The following CD300E variants were observed in gnomAD, a reference collection of about 807,000 sequenced individuals.
CD300E encodes the protein CMRF35-like molecule 2.
Under a neutral mutation model 20.9 loss-of-function variants are expected in CD300E, and 14 were observed. The ratio of observed to expected loss-of-function variants is 0.67; its 90% CI spans 0.44 to 1.05. The LOEUF (loss-of-function observed/expected upper bound fraction) is 1.05, where lower values mean the gene tolerates loss of function less well. Among genes scored for constraint, CD300E ranks in the 50% least tolerant of loss-of-function variants. The pLI is 0.00. For synonymous variants in CD300E, 102 were observed against 103.7 expected (o/e 0.98, Z 0.10); for missense variants, 237 against 253.9 (o/e 0.93, Z 0.45).
Position 74,609,966 on chromosome 17 carries a change from G to A in CD300E, c.*2687C>T, listed in dbSNP as rs1343320138. 6.6e-6 allele frequency: 1 copy of A among 152,238 alleles called. No individual in the cohort carries two copies. The highest frequency in any genetic ancestry group is 1.5e-5 in the Non-Finnish European group (1 of 68,042). The allele number at this position is 152,238 out of a possible 1,614,324, so 9.4% of individuals were successfully genotyped here. A position where few individuals can be genotyped will look rare whatever the true frequency, so the allele number is the denominator to read the frequency against. On this transcript the variant is annotated 3_prime_UTR_variant, in exon 4 of 4. Coordinates refer to ENST00000392619, the MANE Select transcript of CD300E (RefSeq NM_181449.3). ...AGAATAGGGGAAAAAAAGGGAGTAA[G>A]GGAGAAGGGAAAATTCAAAGCATGG...
At chr17:74,623,537 C>T (rs1428939146) in intron 1 of CD300E, 45 bp downstream of exon 1, 5 of 1,607,218 alleles carry the variant, frequency 3.1e-6, no homozygotes, top group Non-Finnish European at 4.3e-6. Context: ...ACCTACTGTC[C>T]TGCCCCCTGC....
At position 74,611,490 on chromosome 17, in the gene CD300E, A is replaced by T. The variant is rs2030777392; in HGVS notation, c.*1163T>A. The T allele has an allele frequency of 6.6e-6, 1 of 152,290 alleles. No homozygotes were observed. The highest frequency in any genetic ancestry group is 2.4e-5 in the African/African-American group (1 of 41,456). 9.4% of individuals were successfully genotyped at this position (152,290 alleles called of 1,614,324 possible). A position where few individuals can be genotyped will look rare whatever the true frequency, so the allele number is the denominator to read the frequency against. On this transcript the variant is annotated 3_prime_UTR_variant, in exon 4 of 4. Transcript: ENST00000392619. ...AAACTTTAGGGAAACAGAGTAATTG[A>T]CAAACATTCAGAAAACCAACTGAGC... is the stretch of plus-strand genomic sequence containing the variant.
At chr17:74,616,531 C>T (rs1207794711) in intron 2 of CD300E, among the ~76,000 whole-genome samples, 2 of 152,090 alleles carry the variant, frequency 1.3e-5, no homozygotes, top group South Asian at 2.1e-4. Flanking sequence ...AGCTGATGGT[C>T]GGCCTTGTCA....
At chr17:74,615,051 G>A (rs527733709) in intron 2 of CD300E, among the ~76,000 whole-genome samples, 29 of 152,300 alleles carry the variant, frequency 1.9e-4, no homozygotes, top group East Asian at 3.9e-4. Context: ...GCCCCACCCC[G>A]TTGGAGGGGC....
chr17:74,623,536 C>T (rs2031066296), intron 1 of CD300E, 46 bp downstream of exon 1: 1 of 1,606,974 alleles, frequency 6.2e-7, no homozygotes, highest in Middle Eastern at 1.8e-4. Flanking sequence ...TACCTACTGT[C>T]CTGCCCCCTG....
chr17:74,613,731 G>A (rs1210909506), intron 3 of CD300E, among the ~76,000 whole-genome samples, 194 bp downstream of exon 3: 1 of 152,192 alleles, frequency 6.6e-6, no homozygotes, highest in Non-Finnish European at 1.5e-5. Flanking sequence ...TGCCCCATAG[G>A]GAAAGGCGTT....
At chr17:74,621,242 A>T (rs765898193) in intron 1 of CD300E, among the ~76,000 whole-genome samples, 2 of 152,208 alleles carry the variant, frequency 1.3e-5, no homozygotes, top group Admixed American at 6.5e-5. Context: ...TGAAAGAAGA[A>T]CCAGGACTGG....
intron 2 of CD300E, among the ~76,000 whole-genome samples, chr17:74,615,780 T>G (rs1034254191): frequency 1.3e-5 from 2 of 152,034 alleles, no homozygotes; most frequent in African/African-American, 4.8e-5. Flanking sequence ...GAGTTATGAG[T>G]GCTGCTAAGA....
At chr17:74,618,322 T>G (rs1370536837) in intron 1 of CD300E, among the ~76,000 whole-genome samples, 1 of 152,130 alleles carries the variant, frequency 6.6e-6, no homozygotes, top group Admixed American at 6.5e-5. Context: ...TGTTTGAACT[T>G]GAGTGTATGT....
chr17:74,615,361 C>T (rs1365486483), intron 2 of CD300E, among the ~76,000 whole-genome samples: 2 of 152,132 alleles, frequency 1.3e-5, no homozygotes, highest in Admixed American at 6.5e-5. Context: ...AGGAGCCAGC[C>T]CCAGGAGGAT....
intron 1 of CD300E, among the ~76,000 whole-genome samples, chr17:74,621,331 T>A (rs1298490936): frequency 6.6e-6 from 1 of 152,196 alleles, no homozygotes; most frequent in Non-Finnish European, 1.5e-5. Flanking sequence ...CAGATGTTTG[T>A]TAAGTTACAT....
intron 2 of CD300E, 59 bp downstream of exon 2, chr17:74,617,059 C>T: frequency 6.9e-7 from 1 of 1,453,238 alleles, no homozygotes; most frequent in South Asian, 1.2e-5. Context: ...GCCGCCCACC[C>T]TTGTTCCCTT....
intron 3 of CD300E, among the ~76,000 whole-genome samples, chr17:74,613,045 T>C (rs1176297594): frequency 6.6e-6 from 1 of 152,182 alleles, no homozygotes; most frequent in Non-Finnish European, 1.5e-5. Context: ...ACCCTCTCTG[T>C]CCCTGTCCCA....
At chr17:74,613,045 TC>T (rs1469434997) in intron 3 of CD300E, among the ~76,000 whole-genome samples, 1 of 152,182 alleles carries the variant, frequency 6.6e-6, no homozygotes, top group Non-Finnish European at 1.5e-5. Context: ...ACCCTCTCTG[TC>T]CCTGTCCCAC....
Position 74,612,668 on chromosome 17 carries a change from A to T in CD300E, c.603T>A (p.Ala201=). 3.7e-6 allele frequency: 6 copies of T among 1,613,626 alleles called. No individual in the cohort carries two copies. Among genetic ancestry groups the T allele is most frequent in the Non-Finnish European group, 5.1e-6 (6 of 1,179,908 alleles). ...AVFWVNRPQW[A]PPGR Reference sequence around the variant, plus strand: ...CAGCCTGGCTCTATCTTCCAGGAGGAGCCCACTGAGGCCTGTTCACCCAGA... The same window carrying T: ...CAGCCTGGCTCTATCTTCCAGGAGGTGCCCACTGAGGCCTGTTCACCCAGA... Residue 201 remains alanine, a synonymous_variant, in exon 4 of 4, where the codon GCT becomes GCA. Coordinates refer to ENST00000392619, the MANE Select transcript of CD300E (RefSeq NM_181449.3).
rs71375236 is a variant in CD300E, at chr17:74,612,241, C to G, written c.*412G>C. On this transcript the variant is annotated 3_prime_UTR_variant, in exon 4 of 4. Transcript: ENST00000392619. ...TCTCTCTCGCTCTCTCTCTCTCTCTCTCTCTGTCTCTCTCTCTCTCTCTCT... is the reference window on the plus strand; with the variant it reads ...TCTCTCTCGCTCTCTCTCTCTCTCTGTCTCTGTCTCTCTCTCTCTCTCTCT... 29,565 of 120,920 alleles carry G rather than the reference C, an allele frequency of 0.24. 3,280 individuals carry two copies. The highest frequency in any genetic ancestry group is 0.28 in the Non-Finnish European group (17,408 of 62,818). 7.5% of individuals were successfully genotyped at this position (120,920 alleles called of 1,614,324 possible).
Position 74,612,335 on chromosome 17 carries a change from C to G in CD300E, c.*318G>C, listed in dbSNP as rs2030802230. The G allele has an allele frequency of 5.0e-6, 1 of 199,952 alleles. No homozygotes were observed. Among genetic ancestry groups the G allele is most frequent in the African/African-American group, 2.3e-5 (1 of 42,728 alleles). The allele number at this position is 199,952 out of a possible 1,614,324, so 12.4% of individuals were successfully genotyped here. On this transcript the variant is annotated 3_prime_UTR_variant, in exon 4 of 4. Transcript: ENST00000392619. ...CCTGGAACTCTTACGTTCAGCCGAT[C>G]CTCCTGCCTCAGCCTCCTGAGCTGG...
chr17:74,614,571 C>T (rs994346712), intron 2 of CD300E, among the ~76,000 whole-genome samples: 1 of 151,718 alleles, frequency 6.6e-6, no homozygotes, highest in African/African-American at 2.4e-5. Context: ...CAACCTCCAC[C>T]TCCCGGGTTC....
chr17:74,615,233 G>T (rs1283488371), intron 2 of CD300E, among the ~76,000 whole-genome samples: 1 of 152,212 alleles, frequency 6.6e-6, no homozygotes, highest in Non-Finnish European at 1.5e-5. Flanking sequence ...ATGCTTTTGG[G>T]AAGTGAGAGA....
Sources: gnomAD v4.1 joint callset for allele counts (sites outside exome capture counted in the v4.1 genomes callset) on GRCh38, gnomAD v4.1.1 for gene constraint, MANE v1.5 for transcripts, NCBI Gene and HGNC (gene_info 2026-07-23, HGNC 2026-07-21) for gene names.